The following RAPGEF1 variants were observed in gnomAD, a reference collection of about 807,000 sequenced individuals.
The protein encoded by RAPGEF1 is CRK SH3-binding GNRP.
A neutral mutation model predicts 143.3 loss-of-function variants in RAPGEF1; 33 were observed. The observed-to-expected ratio is 0.23, with a 90% CI of 0.17 to 0.31. RAPGEF1 has a LOEUF of 0.31. Ranked by LOEUF, RAPGEF1 falls within the 10% of genes least tolerant of loss-of-function variation. The probability of loss-of-function intolerance (pLI) is 1.00; values close to 1 mark genes in which losing one functional copy is unlikely to be tolerated. For missense variants in RAPGEF1, 1,199 were observed against 1,645.4 expected (o/e 0.73, Z 4.69); for synonymous variants, 629 against 676.5 (o/e 0.93, Z 1.09).
intron 1 of RAPGEF1, among the ~76,000 whole-genome samples, chr9:131,680,884 A>C (rs1832853249): frequency 6.6e-6 from 1 of 152,072 alleles, no homozygotes; most frequent in South Asian, 2.1e-4. Flanking sequence ...TGGTCTCGGC[A>C]AGTAGCGTCC....
chr9:131,627,653 T>C (rs1963649446), intron 9 of RAPGEF1, among the ~76,000 whole-genome samples: 1 of 152,222 alleles, frequency 6.6e-6, no homozygotes, highest in Non-Finnish European at 1.5e-5. Context: ...AATTACTCAC[T>C]GACAGATGAA....
intron 1 of RAPGEF1, among the ~76,000 whole-genome samples, chr9:131,703,928 T>C (rs1834855551): frequency 6.6e-6 from 1 of 152,220 alleles, no homozygotes; most frequent in South Asian, 2.1e-4. Context: ...GCCAGGCAGA[T>C]AATCCATGTC....
At chr9:131,705,169 C>CCACTGTG (rs1234734078) in intron 1 of RAPGEF1, among the ~76,000 whole-genome samples, 1 of 152,170 alleles carries the variant, frequency 6.6e-6, no homozygotes, top group African/African-American at 2.4e-5. Flanking sequence ...TATTGCACGT[C>CCACTGTG]CACTGTGCAC....
chr9:131,601,942 G>A, intron 15 of RAPGEF1, 119 bp downstream of exon 15: 4 of 679,280 alleles, frequency 5.9e-6, no homozygotes, highest in Non-Finnish European at 9.8e-6. Flanking sequence ...AAAGAAGGAA[G>A]AGTTTCAACT....
At chr9:131,661,270 A>T (rs1215810448) in intron 1 of RAPGEF1, among the ~76,000 whole-genome samples, 4 of 152,240 alleles carry the variant, frequency 2.6e-5, no homozygotes, top group African/African-American at 9.6e-5. Flanking sequence ...GTGGAATATC[A>T]TGCAATCGAC....
chr9:131,623,338 G>A (rs1961842143), intron 10 of RAPGEF1, among the ~76,000 whole-genome samples: 1 of 152,166 alleles, frequency 6.6e-6, no homozygotes, highest in Non-Finnish European at 1.5e-5. Flanking sequence ...ATGGTGGTAT[G>A]TGCCTATGGT....
At chr9:131,722,031 G>T (rs1230045057) in intron 1 of RAPGEF1, among the ~76,000 whole-genome samples, 2 of 152,090 alleles carry the variant, frequency 1.3e-5, no homozygotes, top group Non-Finnish European at 1.5e-5. Context: ...ACCTGCTAAT[G>T]TATTTTCTCC....
chr9:131,730,800 G>A (rs1226060750), intron 1 of RAPGEF1, among the ~76,000 whole-genome samples: 1 of 151,884 alleles, frequency 6.6e-6, no homozygotes, highest in Non-Finnish European at 1.5e-5. Context: ...TGAGGCTCAG[G>A]AGATTAAGCA....
chr9:131,593,347 A>C (rs1291334821), intron 17 of RAPGEF1, among the ~76,000 whole-genome samples: 1 of 152,196 alleles, frequency 6.6e-6, no homozygotes, highest in Non-Finnish European at 1.5e-5. Flanking sequence ...AATGAAGTGG[A>C]ATTTTAAAAT....
At chr9:131,679,399 C>T (rs765058912) in intron 1 of RAPGEF1, among the ~76,000 whole-genome samples, 3 of 152,148 alleles carry the variant, frequency 2.0e-5, no homozygotes, top group East Asian at 1.9e-4. Flanking sequence ...GCCACTTTTG[C>T]CTTTGCCTGA....
intron 1 of RAPGEF1, chr9:131,737,262 C>G: frequency 7.3e-7 from 1 of 1,363,734 alleles, no homozygotes; most frequent in South Asian, 1.2e-5. Flanking sequence ...CTTTCCGCAG[C>G]TCCTGGTCAG....
intron 3 of RAPGEF1, among the ~76,000 whole-genome samples, chr9:131,645,292 A>G (rs1969267758): frequency 6.6e-6 from 1 of 152,244 alleles, no homozygotes; most frequent in Non-Finnish European, 1.5e-5. Flanking sequence ...ACCTTAGCAC[A>G]TCAGAAAGTG....
At chr9:131,586,609 A>C (rs1183348912) in intron 22 of RAPGEF1, among the ~76,000 whole-genome samples, 24 of 41,058 alleles carry the variant, frequency 5.8e-4, no homozygotes, top group South Asian at 1.5e-3. Flanking sequence ...CTCCGTCTCA[A>C]ACACACACAC....
intron 1 of RAPGEF1, among the ~76,000 whole-genome samples, chr9:131,714,076 T>A (rs1432390779): frequency 6.6e-6 from 1 of 151,774 alleles, no homozygotes; most frequent in Non-Finnish European, 1.5e-5. Flanking sequence ...AGAGACAGGG[T>A]CTCCCTATAT....
In RAPGEF1 at chr9:131,621,153, C is replaced by G. The variant is rs964192966; in HGVS notation, c.1905+643G>C. Among the ~76,000 whole-genome samples, 4 of 152,398 alleles carry G rather than the reference C, an allele frequency of 2.6e-5. No homozygotes were observed. In the South Asian group the frequency reaches 6.2e-4, roughly 24 times the overall value. On this transcript the variant is annotated intron_variant, in intron 11 of 26. Transcript: ENST00000683357. This position sits in a 1 kb window ranked among gnomAD's most constrained non-coding sequence, Gnocchi z 4.5. ...CCCAGTGCCTGGGCAGTTCCAGAGC[C>G]TCATGGGGTGCCCACGGTGGAACAG... is the stretch of plus-strand genomic sequence containing the variant.
rs751528131 is a variant in RAPGEF1 at position 131,641,043 on chromosome 9, A to G, written c.494+2196T>C. 1.5e-4 allele frequency among the ~76,000 whole-genome samples: 23 copies of G among 152,120 alleles called. No individual in the cohort carries two copies. The highest frequency in any genetic ancestry group is 3.1e-4 in the Non-Finnish European group (21 of 68,012). On this transcript the variant is annotated intron_variant, in intron 4 of 26. Coordinates refer to ENST00000683357, the MANE Select transcript of RAPGEF1 (RefSeq NM_001377935.1). This position sits in a 1 kb window ranked among gnomAD's most constrained non-coding sequence, Gnocchi z 4.6. ...TCTAGGAAATGGTTATAGACATTCA[A>G]TGTCAATTAAGAGCCACCCCTCAAT...
chr9:131,653,330 T>A (rs1022503806), intron 1 of RAPGEF1, among the ~76,000 whole-genome samples: 1 of 152,258 alleles, frequency 6.6e-6, no homozygotes, highest in South Asian at 2.1e-4. Context: ...GTTATTTTTA[T>A]TGTTTTTCCC....
chr9:131,593,477 T>G (rs945607762), intron 17 of RAPGEF1, among the ~76,000 whole-genome samples: 8 of 152,056 alleles, frequency 5.3e-5, no homozygotes, highest in Non-Finnish European at 1.2e-4. Flanking sequence ...TGAGGCTGGG[T>G]GCAAACACGC....
rs939263787 is a variant in RAPGEF1 at position 131,675,673 on chromosome 9, G to A, written c.62-24724C>T. On this transcript the variant is annotated intron_variant, in intron 1 of 26. Coordinates refer to ENST00000683357, the MANE Select transcript of RAPGEF1 (RefSeq NM_001377935.1). The surrounding 1 kb of genome is among the most constrained non-coding windows in gnomAD (Gnocchi z 4.6). ...TGTACCAGGAAAGCCCCCAGGGAAT[G>A]AAGGTAGAGAAGAGGAATTTAAGGC... 2.6e-5 allele frequency among the ~76,000 whole-genome samples: 4 copies of A among 152,360 alleles called. No individual in the cohort carries two copies. The highest frequency in any genetic ancestry group is 2.9e-5 in the Non-Finnish European group (2 of 68,036).
Sources: gnomAD v4.1 joint callset for allele counts (sites outside exome capture counted in the v4.1 genomes callset) on GRCh38, gnomAD v4.1.1 for gene constraint, Gnocchi (gnomAD v3.1) non-coding constraint, MANE v1.5 for transcripts, NCBI Gene and HGNC (gene_info 2026-07-23, HGNC 2026-07-21) for gene names.